G6PC2: variants seen among roughly 807,000 people sequenced by gnomAD.
G6PC2 encodes the protein glucose-6-phosphatase catalytic subunit 2, also known as glucose-6-phosphatase 2.
A neutral mutation model predicts 35.4 loss-of-function variants in G6PC2; 41 were observed. The observed-to-expected ratio is 1.16, with a 90% CI of 0.90 to 1.50. G6PC2 has a LOEUF of 1.50. Among genes scored for constraint, G6PC2 ranks in the 40% most tolerant of loss-of-function variants. The pLI is 0.00. For missense variants in G6PC2, 441 were observed against 426.5 expected (o/e 1.03, Z -0.30); for synonymous variants, 165 against 153.2 (o/e 1.08, Z -0.57).
rs1278695836 is a variant in G6PC2, at chr2:168,908,307, T to C, written c.*228T>C. The C allele has an allele frequency of 2.2e-5, 13 of 591,420 alleles. No homozygotes were observed. Among genetic ancestry groups the C allele is most frequent in the Non-Finnish European group, 3.9e-5 (13 of 334,264 alleles). The allele number at this position is 591,420 out of a possible 1,614,324, so 36.6% of individuals were successfully genotyped here. ...GAATATTTGACATAAAAATCGGAAG[T>C]TCTGTATTTCTTGAAAAATCTGATA... On this transcript the variant is annotated 3_prime_UTR_variant, in exon 5 of 5. Coordinates refer to ENST00000375363, the MANE Select transcript of G6PC2 (RefSeq NM_021176.3).
At chr2:168,905,879 T>A (rs893502781) in intron 3 of G6PC2, among the ~76,000 whole-genome samples, 1 of 152,080 alleles carries the variant, frequency 6.6e-6, no homozygotes, top group Non-Finnish European at 1.5e-5. Context: ...AGCATTTATA[T>A]AACCAAATTT....
intron 4 of G6PC2, 84 bp downstream of exon 4, chr2:168,906,863 A>G (rs559230007): frequency 6.2e-6 from 5 of 811,750 alleles, no homozygotes; most frequent in East Asian, 4.9e-5. Flanking sequence ...GTCCCCGGTA[A>G]TCAACTTTCC....
chr2:168,905,588 A>G (rs998402988), intron 3 of G6PC2, among the ~76,000 whole-genome samples: 1 of 152,168 alleles, frequency 6.6e-6, no homozygotes, highest in African/African-American at 2.4e-5. Flanking sequence ...AGCATTTTCT[A>G]TTTACAGACA....
In G6PC2 at chr2:168,907,626, C is replaced by T. The variant is rs1264010622; in HGVS notation, c.615C>T (p.Gly205=). The T allele has an allele frequency of 3.1e-6, 5 of 1,613,624 alleles. No individual in the cohort carries two copies. In the African/African-American group the frequency reaches 5.3e-5, roughly 17 times the overall value. The change falls in exon 5 of 5, where the codon GGC becomes GGT. Residue 205 remains glycine (G), a synonymous_variant. Transcript: ENST00000375363. ...HTPGIQTASL[G]TYLKTNLFLF... ...CAGGCATCCAAACGGCCAGTCTGGGCACATACCTGAAGACCAACCTCTTTC... is the reference window on the plus strand; with the variant it reads ...CAGGCATCCAAACGGCCAGTCTGGGTACATACCTGAAGACCAACCTCTTTC...
rs2232319 is a variant in G6PC2 at position 168,902,575 on chromosome 2, C to T, written c.328+21C>T. ...TCCAGGTAAGCTATTACAGCAGGCT[C>T]CAGTTACTGAAGATCTTCCAATAGA... On this transcript the variant is annotated intron_variant, in intron 2 of 4. Transcript: ENST00000375363. 6.2e-5 allele frequency: 58 copies of T among 938,354 alleles called. No homozygotes were observed. The South Asian group carries it at 7.1e-4, about 11-fold the overall frequency. The allele number at this position is 938,354 out of a possible 1,614,324, so 58.1% of individuals were successfully genotyped here.
At chr2:168,902,874 A>G (rs1690629818) in intron 2 of G6PC2, 1 of 367,840 alleles carries the variant, frequency 2.7e-6, no homozygotes, top group Non-Finnish European at 5.1e-6. Flanking sequence ...TTCTCAAGGA[A>G]CTAGACTAAG....
chr2:168,907,658 T>C lies in G6PC2; in HGVS notation c.647T>C (p.Leu216Pro). 6.2e-7 allele frequency: 1 copy of C among 1,614,048 alleles called. No homozygotes were observed. The highest frequency in any genetic ancestry group is 1.1e-5 in the South Asian group (1 of 91,066). The change falls in exon 5 of 5, where the codon CTG becomes CCG. Residue 216 changes from leucine to proline, a missense_variant. Coordinates refer to ENST00000375363, the MANE Select transcript of G6PC2 (RefSeq NM_021176.3). ...CTGAAGACCAACCTCTTTCTCTTCCTGTTTGCAGTTGGCTTTTACCTGCTT... is the reference window on the plus strand; with the variant it reads ...CTGAAGACCAACCTCTTTCTCTTCCCGTTTGCAGTTGGCTTTTACCTGCTT... ...TYLKTNLFLF[L>P]FAVGFYLLLR...
At position 168,902,365 on chromosome 2, in the gene G6PC2, A is replaced by G. The variant is rs1348973907; in HGVS notation, c.219-80A>G. On this transcript the variant is annotated intron_variant, in intron 1 of 4. Coordinates refer to ENST00000375363, the MANE Select transcript of G6PC2 (RefSeq NM_021176.3). ...ACCCTGCGCTTGAGTCATTTTTTATAGGAAAGAATTGCTAATCTCCAATTA... is the reference window on the plus strand; with the variant it reads ...ACCCTGCGCTTGAGTCATTTTTTATGGGAAAGAATTGCTAATCTCCAATTA... 5.4e-6 allele frequency: 4 copies of G among 736,576 alleles called. No homozygotes were observed. In the Admixed American group the frequency reaches 5.7e-5, roughly 11 times the overall value. 45.6% of individuals were successfully genotyped at this position (736,576 alleles called of 1,614,324 possible).
At chr2:168,901,657 T>C in intron 1 of G6PC2, 108 bp downstream of exon 1, 1 of 694,618 alleles carries the variant, frequency 1.4e-6, no homozygotes, top group Admixed American at 2.3e-5. Context: ...GGAAAATCTT[T>C]CAAAAATACC....
chr2:168,904,422 A>C (rs1690663473), intron 2 of G6PC2, 83 bp from the exon 3 acceptor site: 2 of 803,120 alleles, frequency 2.5e-6, no homozygotes, highest in Non-Finnish European at 4.5e-6. Flanking sequence ...CATAATTTTC[A>C]TGGGGAATAT....
In G6PC2 at chr2:168,908,207, C is replaced by T. The variant is rs1200527448; in HGVS notation, c.*128C>T. 4 of 786,060 alleles carry T rather than the reference C, an allele frequency of 5.1e-6. No individual in the cohort carries two copies. In the African/African-American group the frequency reaches 6.9e-5, roughly 13 times the overall value. 48.7% of individuals were successfully genotyped at this position (786,060 alleles called of 1,614,324 possible). Reference sequence around the variant, plus strand: ...CAGAATAGCGGCACAGGCCCCATTCCCCATAGAGATGTTTAGTTTGGCCTT... The same window carrying T: ...CAGAATAGCGGCACAGGCCCCATTCTCCATAGAGATGTTTAGTTTGGCCTT... On this transcript the variant is annotated 3_prime_UTR_variant, in exon 5 of 5. Coordinates refer to ENST00000375363, the MANE Select transcript of G6PC2 (RefSeq NM_021176.3).
chr2:168,901,882 A>G (rs1690603739), intron 1 of G6PC2, among the ~76,000 whole-genome samples: 1 of 151,986 alleles, frequency 6.6e-6, no homozygotes, highest in Non-Finnish European at 1.5e-5. Context: ...GATTACAGGC[A>G]TGTGCCACCA....
chr2:168,904,316 G>A (rs1292278703), intron 2 of G6PC2, among the ~76,000 whole-genome samples, 189 bp from the exon 3 acceptor site: 1 of 152,052 alleles, frequency 6.6e-6, no homozygotes, highest in Non-Finnish European at 1.5e-5. Flanking sequence ...TTTTGAGACA[G>A]TGTTTCTCAG....
intron 3 of G6PC2, among the ~76,000 whole-genome samples, chr2:168,905,710 C>G (rs1690694188): frequency 6.6e-6 from 1 of 152,114 alleles, no homozygotes; most frequent in Non-Finnish European, 1.5e-5. Flanking sequence ...ATTCTCATAA[C>G]TCCTTTTTAG....
At chr2:168,901,821 C>T (rs975820992) in intron 1 of G6PC2, among the ~76,000 whole-genome samples, 1 of 151,058 alleles carries the variant, frequency 6.6e-6, no homozygotes, top group Non-Finnish European at 1.5e-5. Flanking sequence ...ACTGCAACCT[C>T]TGCCTCCCAG....
Position 168,908,135 on chromosome 2 carries a change from T to C in G6PC2, c.*56T>C. 1 of 1,431,242 alleles carries C rather than the reference T, an allele frequency of 7.0e-7. No individual in the cohort carries two copies. The allele number at this position is 1,431,242 out of a possible 1,614,324, so 88.7% of individuals were successfully genotyped here. A position where few individuals can be genotyped will look rare whatever the true frequency, so the allele number is the denominator to read the frequency against. On this transcript the variant is annotated 3_prime_UTR_variant, in exon 5 of 5. Coordinates refer to ENST00000375363, the MANE Select transcript of G6PC2 (RefSeq NM_021176.3). ...CAGATCACCCTTCTCCATCCACCAG[T>C]AGAGCCACAGAGTAGGCACAGACCA...
At chr2:168,906,987 G>A (rs1383047825) in intron 4 of G6PC2, among the ~76,000 whole-genome samples, 1 of 152,122 alleles carries the variant, frequency 6.6e-6, no homozygotes, top group Non-Finnish European at 1.5e-5. Context: ...TCTCAGTGGC[G>A]TAAATGCACA....
intron 4 of G6PC2, 125 bp from the exon 5 acceptor site, chr2:168,907,443 T>G (rs1690736874): frequency 1.0e-6 from 1 of 984,014 alleles, no homozygotes. Context: ...GGAAAATGGA[T>G]AGAACCTCTG....
At chr2:168,905,593 C>G (rs1690692108) in intron 3 of G6PC2, among the ~76,000 whole-genome samples, 1 of 152,156 alleles carries the variant, frequency 6.6e-6, no homozygotes, top group Admixed American at 6.5e-5. Context: ...TTTCTATTTA[C>G]AGACAATTTT....
Sources: gnomAD v4.1 joint callset for allele counts (sites outside exome capture counted in the v4.1 genomes callset) on GRCh38, gnomAD v4.1.1 for gene constraint, MANE v1.5 for transcripts, NCBI Gene and HGNC (gene_info 2026-07-23, HGNC 2026-07-21) for gene names.